Variants in HBB observed in about 807,000 individuals in gnomAD.
HBB encodes the protein hemoglobin subunit beta.
A neutral mutation model predicts 9.7 loss-of-function variants in HBB; 18 were observed. That is an observed-to-expected ratio of 1.86 (90% CI 1.28 to 2.76). HBB has a LOEUF of 2.76. HBB is among the 30% of genes most tolerant of loss of function. The pLI, the probability that HBB is intolerant of heterozygous loss-of-function variation, is 0.00. For missense variants in HBB, 156 were observed against 177.0 expected (o/e 0.88, Z 0.67); for synonymous variants, 99 against 73.6 (o/e 1.35, Z -1.77).
At position 5,226,978 on chromosome 11, in the gene HBB, A is replaced by G. The variant is rs33935445; in HGVS notation, c.44T>C (p.Leu15Pro). The change falls in exon 1 of 3, where the codon CTG becomes CCG. Residue 15 changes from leucine (L) to proline (P), a missense_variant. Leu to Pro is a moderately conservative substitution (Grantham distance 98). Transcript: ENST00000335295. ...TTCATCCACGTTCACCTTGCCCCAC[A>G]GGGCAGTAACGGCAGACTTCTCCTC... Reference protein sequence around the residue: ...TPEEKSAVTALWGKVNVDEVG... With the variant: ...TPEEKSAVTAPWGKVNVDEVG... The G allele has an allele frequency of 3.7e-6, 6 of 1,613,368 alleles. No individual in the cohort carries two copies. Among genetic ancestry groups the G allele is most frequent in the Non-Finnish European group, 4.2e-6 (5 of 1,179,380 alleles).
At chr11:5,225,795 A>G (rs1847534105) in intron 2 of HBB, 69 bp from the exon 3 acceptor site, 1 of 1,524,200 alleles carries the variant, frequency 6.6e-7, no homozygotes, top group Non-Finnish European at 9.1e-7. Flanking sequence ...AGAATAATCC[A>G]GCCTTATCCC....
In HBB at chr11:5,225,632, C is replaced by T. The variant is rs33949486; in HGVS notation, c.410G>A (p.Gly137Asp). ...VQAAYQKVVA[G>D]VANALAHKYH is the part of the protein sequence containing the mutation. ...CTTGTGGGCCAGGGCATTAGCCACA[C>T]CAGCCACCACTTTCTGATAGGCAGC... Residue 137 changes from glycine to aspartate, a missense_variant, in exon 3 of 3, where the codon GGT (glycine) becomes GAT (aspartate). Transcript: ENST00000335295. 4 of 1,613,996 alleles carry T rather than the reference C, an allele frequency of 2.5e-6. No individual in the cohort carries two copies. In the African/African-American group the frequency reaches 5.3e-5, roughly 22 times the overall value.
rs33932070 is a variant in HBB, at chr11:5,226,750, C to T, written c.142G>A (p.Asp48Asn). ...WTQRFFESFG[D>N]LSTPDAVMGN... ...ATAACAGCATCAGGAGTGGACAGATCCCCAAAGGACTCAAAGAACCTCTGG... is the reference window on the plus strand; with the variant it reads ...ATAACAGCATCAGGAGTGGACAGATTCCCAAAGGACTCAAAGAACCTCTGG... The change falls in exon 2 of 3, where the codon GAT becomes AAT. Residue 48 changes from aspartate to asparagine, a missense_variant. Physicochemically the swap from Asp to Asn is conservative, Grantham distance 23. Coordinates refer to ENST00000335295, the MANE Select transcript of HBB (RefSeq NM_000518.5). The T allele has an allele frequency of 6.2e-7, 1 of 1,614,122 alleles. No homozygotes were observed. Among genetic ancestry groups the T allele is most frequent in the Non-Finnish European group, 8.5e-7 (1 of 1,180,014 alleles).
Position 5,225,754 on chromosome 11 carries a change from C to G in HBB, c.316-28G>C, listed in dbSNP as rs771736852. 2.5e-6 allele frequency: 4 copies of G among 1,613,248 alleles called. No individual in the cohort carries two copies. In the African/African-American group the frequency reaches 4.0e-5, roughly 16 times the overall value. On this transcript the variant is annotated intron_variant, in intron 2 of 2. Coordinates refer to ENST00000335295, the MANE Select transcript of HBB (RefSeq NM_000518.5). ...GTGGGAGGAAGATAAGAGGTATGAA[C>G]ATGATTAGCAAAAGGGCCTAGCTTG...
At position 5,225,756 on chromosome 11, in the gene HBB, T is replaced by G. The variant is rs193922558; in HGVS notation, c.316-30A>C. 100 of 1,613,344 alleles carry G rather than the reference T, an allele frequency of 6.2e-5. No individual in the cohort carries two copies. In the Middle Eastern group the frequency reaches 6.6e-4, roughly 11 times the overall value. On this transcript the variant is annotated intron_variant, in intron 2 of 2. Transcript: ENST00000335295. Reference sequence around the variant, plus strand: ...GGGAGGAAGATAAGAGGTATGAACATGATTAGCAAAAGGGCCTAGCTTGGA... The same window carrying G: ...GGGAGGAAGATAAGAGGTATGAACAGGATTAGCAAAAGGGCCTAGCTTGGA...
At position 5,226,370 on chromosome 11, in the gene HBB, AAAG is replaced by A; in HGVS notation, c.315+204_315+206del. ...AGTAAAAATTGCGGAGAAGAAAAAA[AAAG>A]AAAGCAAGAATTAAACAAAAGAAAA... On this transcript the variant is annotated intron_variant, in intron 2 of 2. Transcript: ENST00000335295. 1 of 617,698 alleles carries A rather than the reference AAAG, an allele frequency of 1.6e-6. No homozygotes were observed. The highest frequency in any genetic ancestry group is 2.8e-6 in the Non-Finnish European group (1 of 353,008). 38.3% of individuals were successfully genotyped at this position (617,698 alleles called of 1,614,324 possible). A position where few individuals can be genotyped will look rare whatever the true frequency, so the allele number is the denominator to read the frequency against.
In HBB at chr11:5,227,018, C is replaced by T. The variant is rs33958358; in HGVS notation, c.4G>A (p.Val2Met). Residue 2 changes from valine (V) to methionine (M), a missense_variant, in exon 1 of 3, where the codon GTG becomes ATG. Val to Met is a conservative substitution (Grantham distance 21). Transcript: ENST00000335295. ...GACTTCTCCTCAGGAGTCAGATGCA[C>T]CATGGTGTCTGTTTGAGGTTGCTAG... MVHLTPEEKSAV... is the reference protein window; with the variant it reads MMHLTPEEKSAV... The T allele has an allele frequency of 5.6e-6, 9 of 1,595,386 alleles. No homozygotes were observed. Among genetic ancestry groups the T allele is most frequent in the Non-Finnish European group, 7.7e-6 (9 of 1,162,802 alleles).
rs780759163 is a variant in HBB at position 5,226,678 on chromosome 11, A to G, written c.214T>C (p.Phe72Leu). 2 of 1,614,140 alleles carry G rather than the reference A, an allele frequency of 1.2e-6. No homozygotes were observed. The highest frequency in any genetic ancestry group is 1.7e-5 in the Admixed American group (1 of 60,026). ...TCCAGGTGAGCCAGGCCATCACTAA[A>G]GGCACCGAGCACTTTCTTGCCATGA... ...KAHGKKVLGAFSDGLAHLDNL... is the reference protein window; with the variant it reads ...KAHGKKVLGALSDGLAHLDNL... Residue 72 changes from phenylalanine (F) to leucine (L), a missense_variant, in exon 2 of 3, where the codon TTT becomes CTT. Transcript: ENST00000335295.
chr11:5,226,737 G>T lies in HBB; in HGVS notation c.155C>A (p.Pro52His), dbSNP rs33969727. 8 of 1,614,024 alleles carry T rather than the reference G, an allele frequency of 5.0e-6. No individual in the cohort carries two copies. Among genetic ancestry groups the T allele is most frequent in the East Asian group, 2.2e-5 (1 of 44,898 alleles). ...FFESFGDLSTPDAVMGNPKVK... is the reference protein window; with the variant it reads ...FFESFGDLSTHDAVMGNPKVK... ...CTTAGGGTTGCCCATAACAGCATCA[G>T]GAGTGGACAGATCCCCAAAGGACTC... Residue 52 changes from proline to histidine, a missense_variant, in exon 2 of 3, where the codon CCT becomes CAT. Transcript: ENST00000335295.
chr11:5,225,765 A>G lies in HBB; in HGVS notation c.316-39T>C, dbSNP rs1446409832. 5 of 1,611,854 alleles carry G rather than the reference A, an allele frequency of 3.1e-6. No homozygotes were observed. Among genetic ancestry groups the G allele is most frequent in the Non-Finnish European group, 4.2e-6 (5 of 1,177,994 alleles). On this transcript the variant is annotated intron_variant, in intron 2 of 2. Coordinates refer to ENST00000335295, the MANE Select transcript of HBB (RefSeq NM_000518.5). ...ATAAGAGGTATGAACATGATTAGCA[A>G]AAGGGCCTAGCTTGGACTCAGAATA...
rs772342393 is a variant in HBB, at chr11:5,225,597, C to T, written c.*1G>A. Reference sequence around the variant, plus strand: ...AGAAATTGGACAGCAAGAAAGCGAGCTTAGTGATACTTGTGGGCCAGGGCA... The same window carrying T: ...AGAAATTGGACAGCAAGAAAGCGAGTTTAGTGATACTTGTGGGCCAGGGCA... On this transcript the variant is annotated 3_prime_UTR_variant, in exon 3 of 3. Coordinates refer to ENST00000335295, the MANE Select transcript of HBB (RefSeq NM_000518.5). 1.9e-6 allele frequency: 3 copies of T among 1,614,130 alleles called. No individual in the cohort carries two copies. The highest frequency in any genetic ancestry group is 1.6e-4 in the Middle Eastern group (1 of 6,062).
rs751644989 is a variant in HBB, at chr11:5,226,529, C to G, written c.315+48G>C. 4 of 1,549,332 alleles carry G rather than the reference C, an allele frequency of 2.6e-6. No individual in the cohort carries two copies. The highest frequency in any genetic ancestry group is 1.8e-6 in the Non-Finnish European group (2 of 1,121,016). The stretch of plus-strand genomic sequence containing the variant: ...TCCCCTTCCTATGACATGAACTTAA[C>G]CATAGAAAAGAAGGGGAAAGAAAAC... On this transcript the variant is annotated intron_variant, in intron 2 of 2. Transcript: ENST00000335295.
In HBB at chr11:5,225,822, C is replaced by G. The variant is rs193922561; in HGVS notation, c.316-96G>C. 5.3e-4 allele frequency: 686 copies of G among 1,291,074 alleles called. No individual in the cohort carries two copies. The highest frequency in any genetic ancestry group is 7.4e-4 in the Non-Finnish European group (655 of 888,964). 80.0% of individuals were successfully genotyped at this position (1,291,074 alleles called of 1,614,324 possible). A position where few individuals can be genotyped will look rare whatever the true frequency, so the allele number is the denominator to read the frequency against. On this transcript the variant is annotated intron_variant, in intron 2 of 2. Coordinates refer to ENST00000335295, the MANE Select transcript of HBB (RefSeq NM_000518.5). ...CCTTATCCCAACCATAAAATAAAAG[C>G]AGAATGGTAGCTGGATTGTAGCTGC...
At position 5,226,947 on chromosome 11, in the gene HBB, A is replaced by T. The variant is rs33951465; in HGVS notation, c.75T>A (p.Gly25=). The change falls in exon 1 of 3, where the codon GGT becomes GGA. Residue 25 remains glycine (G), a synonymous_variant. Coordinates refer to ENST00000335295, the MANE Select transcript of HBB (RefSeq NM_000518.5). The part of the protein sequence containing the change: ...LWGKVNVDEV[G]GEALGRLLVV... ...ATACCAACCTGCCCAGGGCCTCACC[A>T]CCAACTTCATCCACGTTCACCTTGC... 12 of 1,613,626 alleles carry T rather than the reference A, an allele frequency of 7.4e-6. No homozygotes were observed. In the African/African-American group the frequency reaches 1.5e-4, roughly 20 times the overall value.
chr11:5,226,208 G>A lies in HBB; in HGVS notation c.315+369C>T. ...AAAGAAAATAAAGTAGGGAGATTATGAATATGCAAATAAGCACACATATAT... is the reference window on the plus strand; with the variant it reads ...AAAGAAAATAAAGTAGGGAGATTATAAATATGCAAATAAGCACACATATAT... On this transcript the variant is annotated intron_variant, in intron 2 of 2. Transcript: ENST00000335295. 2.8e-6 allele frequency: 1 copy of A among 362,908 alleles called. No homozygotes were observed. Among genetic ancestry groups the A allele is most frequent in the Middle Eastern group, 8.2e-4 (1 of 1,222 alleles). 22.5% of individuals were successfully genotyped at this position (362,908 alleles called of 1,614,324 possible).
In HBB at chr11:5,225,762, G is replaced by A. The variant is rs908362696; in HGVS notation, c.316-36C>T. 16 of 1,611,680 alleles carry A rather than the reference G, an allele frequency of 9.9e-6. No homozygotes were observed. In the Admixed American group the frequency reaches 1.8e-4, roughly 18 times the overall value. ...AAGATAAGAGGTATGAACATGATTA[G>A]CAAAAGGGCCTAGCTTGGACTCAGA... On this transcript the variant is annotated intron_variant, in intron 2 of 2. Coordinates refer to ENST00000335295, the MANE Select transcript of HBB (RefSeq NM_000518.5).
At chr11:5,226,374 AAAGC>A in intron 2 of HBB, 199 bp downstream of exon 2, 1 of 619,504 alleles carries the variant, frequency 1.6e-6, no homozygotes, top group Non-Finnish European at 2.8e-6. Context: ...AAAAAAAAAG[AAAGC>A]AAGAATTAAA....
At chr11:5,226,823 T>A (rs773687221) in intron 1 of HBB, 24 bp from the exon 2 acceptor site, 1 of 1,608,566 alleles carries the variant, frequency 6.2e-7, no homozygotes, top group South Asian at 1.1e-5. Context: ...AATAGACCAA[T>A]AGGCAGAGAG....
rs762782573 is a variant in HBB, at chr11:5,226,977, C to T, written c.45G>A (p.Leu15=). The T allele has an allele frequency of 2.1e-5, 34 of 1,613,602 alleles. No individual in the cohort carries two copies. In the South Asian group the frequency reaches 2.5e-4, roughly 12 times the overall value. ...TPEEKSAVTA[L]WGKVNVDEVG... The stretch of plus-strand genomic sequence containing the variant: ...CTTCATCCACGTTCACCTTGCCCCA[C>T]AGGGCAGTAACGGCAGACTTCTCCT... Residue 15 remains leucine, a synonymous_variant, in exon 1 of 3, where the codon CTG becomes CTA. Coordinates refer to ENST00000335295, the MANE Select transcript of HBB (RefSeq NM_000518.5).
Sources: gnomAD v4.1 joint callset for allele counts on GRCh38, gnomAD v4.1.1 for gene constraint, MANE v1.5 for transcripts, NCBI Gene and HGNC (gene_info 2026-07-23, HGNC 2026-07-21) for gene names.